Variants in KANSL1 observed in about 807,000 individuals in gnomAD.
The protein encoded by KANSL1 is MLL1/MLL complex subunit KANSL1.
In KANSL1, 22 loss-of-function variants were observed where a neutral mutation model predicts 103.6. The ratio of observed to expected loss-of-function variants is 0.21; its 90% CI spans 0.15 to 0.30. The LOEUF is 0.30. Ranked by LOEUF, KANSL1 falls within the 10% of genes least tolerant of loss-of-function variation. KANSL1 has a pLI of 1.00. For missense variants in KANSL1, 1,337 were observed against 1,399.8 expected (o/e 0.96, Z 0.72); for synonymous variants, 600 against 527.6 (o/e 1.14, Z -1.88).
intron 6 of KANSL1, among the ~76,000 whole-genome samples, chr17:46,065,663 G>A (rs62060796): frequency 6.0e-4 from 91 of 152,038 alleles, no homozygotes; most frequent in African/African-American, 2.1e-3. Context: ...CAAACCCAAG[G>A]TTATCATCTT....
rs565665710 is a variant in KANSL1, at chr17:46,031,718, G to T, written c.3091-15C>A. 3.8e-5 allele frequency: 60 copies of T among 1,582,004 alleles called. No homozygotes were observed. The South Asian group carries it at 6.7e-4, about 18-fold the overall frequency. ...GGCTGGACAGACTGTAGGCAGACAA[G>T]TTGCTCTTTGAGGACCCAGTCCCAG... On this transcript the variant is annotated splice_polypyrimidine_tract_variant and intron_variant, in intron 14 of 14. Transcript: ENST00000432791.
At chr17:46,135,162 A>AGG (rs2044065217) in intron 2 of KANSL1, among the ~76,000 whole-genome samples, 2 of 151,640 alleles carry the variant, frequency 1.3e-5, no homozygotes, top group Non-Finnish European at 3.0e-5. Context: ...ACTTGGGGAA[A>AGG]AAAAAAAGCC....
At chr17:46,149,902 A>T (rs546909315) in intron 2 of KANSL1, among the ~76,000 whole-genome samples, 81 of 151,978 alleles carry the variant, frequency 5.3e-4, no homozygotes, top group Non-Finnish European at 9.4e-4. Flanking sequence ...GGCGCCTGTA[A>T]TCCCAGCTAC....
chr17:46,111,654 G>T (rs921816230), intron 2 of KANSL1, among the ~76,000 whole-genome samples: 2 of 152,210 alleles, frequency 1.3e-5, no homozygotes, highest in Admixed American at 1.3e-4. Flanking sequence ...ATACATCCAA[G>T]TATACATGGC....
At chr17:46,050,741 T>G (rs1218352090) in intron 6 of KANSL1, 37 bp from the exon 7 acceptor site, 4 of 1,586,498 alleles carry the variant, frequency 2.5e-6, no homozygotes, top group Non-Finnish European at 3.4e-6. Flanking sequence ...CAATTCAGCA[T>G]CTGATAAAAA....
rs374084420 is a variant in KANSL1 at position 46,113,864 on chromosome 17, G to C, written c.1290-19163C>G. Among the ~76,000 whole-genome samples, 213 of 152,216 alleles carry C rather than the reference G, an allele frequency of 1.4e-3. 2 individuals are homozygous for C. Among genetic ancestry groups the C allele is most frequent in the Middle Eastern group, 0.01 (3 of 294 alleles). ...TTGTAAGATCTTGATTAAGCCATGA[G>C]GCCAAATCTAAATCTAAATCACCCA... On this transcript the variant is annotated intron_variant, in intron 2 of 14. Transcript: ENST00000432791.
At chr17:46,155,378 G>A (rs548193788) in intron 2 of KANSL1, among the ~76,000 whole-genome samples, 28 of 152,094 alleles carry the variant, frequency 1.8e-4, no homozygotes, top group Non-Finnish European at 2.8e-4. Context: ...GGCTGGTCTC[G>A]AACTCCCGGC....
At chr17:46,189,771 A>G (rs1448941578) in intron 1 of KANSL1, among the ~76,000 whole-genome samples, 1 of 152,076 alleles carries the variant, frequency 6.6e-6, no homozygotes. Context: ...TGTAGTCCCA[A>G]TGGCACATGC....
chr17:46,164,253 T>C (rs899551933), intron 2 of KANSL1, among the ~76,000 whole-genome samples: 1 of 152,248 alleles, frequency 6.6e-6, no homozygotes, highest in African/African-American at 2.4e-5. Flanking sequence ...AGCAACTATA[T>C]CTACGGTAAA....
At chr17:46,076,813 T>C (rs2078792681) in intron 4 of KANSL1, among the ~76,000 whole-genome samples, 1 of 152,192 alleles carries the variant, frequency 6.6e-6, no homozygotes, top group South Asian at 2.1e-4. Flanking sequence ...CAAATGGAAC[T>C]GTTTCTCCGG....
intron 1 of KANSL1, among the ~76,000 whole-genome samples, chr17:46,189,927 T>A (rs891947786): frequency 1.4e-4 from 15 of 104,440 alleles, no homozygotes; most frequent in Non-Finnish European, 2.8e-4. Context: ...AAAAAAAAAA[T>A]TGCTTGCCTG....
chr17:46,140,459 A>T (rs2147359747), intron 2 of KANSL1, among the ~76,000 whole-genome samples: 1 of 152,300 alleles, frequency 6.6e-6, no homozygotes, highest in East Asian at 1.9e-4. Flanking sequence ...AAAAAAGCAT[A>T]GGAGTAAATT....
chr17:46,127,052 A>G (rs12948031), intron 2 of KANSL1, among the ~76,000 whole-genome samples: 150,052 of 152,332 alleles, frequency 0.99, 73,943 homozygotes, highest in East Asian at 1. Context: ...GGTCTAATCC[A>G]AGGTCAGATG....
upstream of KANSL1, among the ~76,000 whole-genome samples, chr17:46,194,094 G>A (rs1485192419): frequency 6.6e-6 from 1 of 152,212 alleles, no homozygotes; most frequent in East Asian, 1.9e-4. Flanking sequence ...GCAGGCCCCA[G>A]CCAGGGCCCG....
At chr17:46,051,530 T>G (rs895105755) in intron 6 of KANSL1, among the ~76,000 whole-genome samples, 1 of 152,220 alleles carries the variant, frequency 6.6e-6, no homozygotes, top group African/African-American at 2.4e-5. Flanking sequence ...ACATCTACAA[T>G]TTTATACTTT....
At chr17:46,108,610 A>T (rs2042670787) in intron 2 of KANSL1, among the ~76,000 whole-genome samples, 1 of 152,236 alleles carries the variant, frequency 6.6e-6, no homozygotes, top group African/African-American at 2.4e-5. Context: ...GGGTGCTTGG[A>T]ACAATGCCTA....
At chr17:46,051,895 T>C (rs1295387742) in intron 6 of KANSL1, among the ~76,000 whole-genome samples, 3 of 152,154 alleles carry the variant, frequency 2.0e-5, no homozygotes, top group African/African-American at 2.4e-5. Context: ...TGTAACCACA[T>C]AGAGAGGTGG....
At chr17:46,205,869 G>GA (rs1257821136) in intron 1 of KANSL1, among the ~76,000 whole-genome samples, 1 of 152,004 alleles carries the variant, frequency 6.6e-6, no homozygotes, top group Non-Finnish European at 1.5e-5. Flanking sequence ...CTTGAGCGCA[G>GA]AAGTTCAGGA....
At chr17:46,161,246 C>T (rs12937626) in intron 2 of KANSL1, among the ~76,000 whole-genome samples, 1 of 120,740 alleles carries the variant, frequency 8.3e-6, no homozygotes, top group African/African-American at 3.9e-5. Context: ...AACCCCACCT[C>T]TACTAAAAAA....
Sources: gnomAD v4.1 joint callset for allele counts (sites outside exome capture counted in the v4.1 genomes callset) on GRCh38, gnomAD v4.1.1 for gene constraint, MANE v1.5 for transcripts, NCBI Gene and HGNC (gene_info 2026-07-23, HGNC 2026-07-21) for gene names.